The following ANK3 variants were observed in gnomAD, a reference collection of about 807,000 sequenced individuals.
The protein encoded by ANK3 is ankyrin-3.
In ANK3, 57 loss-of-function variants were observed where a neutral mutation model predicts 370.9. The observed-to-expected ratio is 0.15, with a 90% confidence interval of 0.12 to 0.19. The LOEUF (loss-of-function observed/expected upper bound fraction) is 0.19. Among genes scored for constraint, ANK3 ranks in the 10% least tolerant of loss-of-function variants. The pLI, the probability that ANK3 is intolerant of heterozygous loss-of-function variation, is 1.00. For synonymous variants in ANK3, 1,929 were observed against 1,946.3 expected, an observed-to-expected ratio of 0.99 and a Z score of 0.23; for missense variants, 4,439 against 5,302.1, an observed-to-expected ratio of 0.84 and a Z score of 5.06.
rs1590208750 is a variant in ANK3 at position 60,115,550 on chromosome 10, T to C, written c.2842-1219A>G. 3.9e-5 allele frequency among the ~76,000 whole-genome samples: 6 copies of C among 152,312 alleles called. 1 individual carries two copies. The highest frequency in any genetic ancestry group is 3.9e-4 in the Admixed American group (6 of 15,304). Reference sequence around the variant, plus strand: ...AGGTAAGCTAATAAGTGCTTTATAATAACTATGATTAGTATGTTTACAAAA... The same window carrying C: ...AGGTAAGCTAATAAGTGCTTTATAACAACTATGATTAGTATGTTTACAAAA... On this transcript the variant is annotated intron_variant, in intron 25 of 43. Transcript: ENST00000280772.
chr10:60,470,401 A>T (rs575339911), intron 2 of ANK3, among the ~76,000 whole-genome samples: 1 of 152,250 alleles, frequency 6.6e-6, no homozygotes, highest in South Asian at 2.1e-4. Context: ...ATTTTCTGCC[A>T]TCATGCAGTA....
intron 6 of ANK3, 29 bp downstream of exon 6, chr10:60,263,806 A>C (rs2097843473): frequency 1.2e-6 from 2 of 1,612,156 alleles, no homozygotes; most frequent in Non-Finnish European, 1.7e-6. Context: ...GGAGAGTTGC[A>C]TGACAGGCCC....
chr10:60,484,836 T>C (rs1358082343), intron 2 of ANK3, among the ~76,000 whole-genome samples: 1 of 152,188 alleles, frequency 6.6e-6, no homozygotes, highest in Non-Finnish European at 1.5e-5. Flanking sequence ...AGAAACTAAT[T>C]TAAGATGAAT....
intron 1 of ANK3, among the ~76,000 whole-genome samples, chr10:60,313,513 A>C (rs1298182305): frequency 6.6e-6 from 1 of 152,158 alleles, no homozygotes; most frequent in Non-Finnish European, 1.5e-5. Flanking sequence ...TCCACAGCTT[A>C]TCTCTTTGCC....
intron 8 of ANK3, among the ~76,000 whole-genome samples, chr10:60,215,172 G>A (rs906608469): frequency 5.9e-5 from 9 of 152,084 alleles, no homozygotes; most frequent in Non-Finnish European, 1.2e-4. Flanking sequence ...TTTGAGAAGT[G>A]TCTGTTCATA....
intron 1 of ANK3, among the ~76,000 whole-genome samples, chr10:60,314,081 G>A (rs1008862894): frequency 6.6e-6 from 1 of 152,042 alleles, no homozygotes; most frequent in Non-Finnish European, 1.5e-5. Flanking sequence ...ATTTTTTTGA[G>A]TGATTGAATA....
At chr10:60,464,256 T>A (rs1005503823) in intron 2 of ANK3, among the ~76,000 whole-genome samples, 1 of 152,206 alleles carries the variant, frequency 6.6e-6, no homozygotes, top group Non-Finnish European at 1.5e-5. Context: ...AAAAATTATA[T>A]GTATTAGATT....
In ANK3 at chr10:60,275,851, GAGA is replaced by G. The variant is rs1189096481; in HGVS notation, c.414+2920_414+2922del. Among the ~76,000 whole-genome samples, 9 of 152,302 alleles carry G rather than the reference GAGA, an allele frequency of 5.9e-5. No homozygotes were observed. In the East Asian group the frequency reaches 1.7e-3, roughly 29 times the overall value. ...GTTGGTATTTTATATTATAAAGACA[GAGA>G]AGGAGAGAAGAGTGGGGGATGTCAT... On this transcript the variant is annotated intron_variant, in intron 4 of 43. Transcript: ENST00000280772.
chr10:60,137,095 CTTG>C (rs1411491647), intron 24 of ANK3, among the ~76,000 whole-genome samples: 1 of 151,934 alleles, frequency 6.6e-6, no homozygotes, highest in Non-Finnish European at 1.5e-5. Flanking sequence ...CTATACAAAA[CTTG>C]TTAAGGGAAA....
intron 2 of ANK3, among the ~76,000 whole-genome samples, chr10:60,574,115 T>G (rs950548735): frequency 6.6e-6 from 1 of 152,098 alleles, no homozygotes; most frequent in Non-Finnish European, 1.5e-5. Flanking sequence ...ACAGATCTGT[T>G]GAGGCTGAAA....
chr10:60,188,797 C>G (rs1483171076), intron 16 of ANK3, among the ~76,000 whole-genome samples: 1 of 152,298 alleles, frequency 6.6e-6, no homozygotes, highest in South Asian at 2.1e-4. Context: ...CTATTGCCAT[C>G]TGAAAACCCC....
chr10:60,236,974 T>C (rs867547425), intron 7 of ANK3, among the ~76,000 whole-genome samples: 14 of 152,346 alleles, frequency 9.2e-5, no homozygotes, highest in Middle Eastern at 3.4e-3. Context: ...AAACTTTATT[T>C]ATAAAAACAG....
chr10:60,465,865 T>C (rs1311274486), intron 2 of ANK3, among the ~76,000 whole-genome samples: 2 of 151,602 alleles, frequency 1.3e-5, no homozygotes, highest in Non-Finnish European at 2.9e-5. Context: ...AGTCTAGCTA[T>C]TTGTGAAATT....
intron 2 of ANK3, among the ~76,000 whole-genome samples, chr10:60,402,290 T>C (rs995639611): frequency 6.6e-6 from 1 of 152,030 alleles, no homozygotes; most frequent in Non-Finnish European, 1.5e-5. Context: ...ACTAAGAATA[T>C]AAATAAAAAA....
At chr10:60,303,374 A>G (rs2044258414) in intron 1 of ANK3, among the ~76,000 whole-genome samples, 1 of 152,214 alleles carries the variant, frequency 6.6e-6, no homozygotes, top group African/African-American at 2.4e-5. Context: ...GAAATCAAAC[A>G]ACCCAATTTA....
intron 1 of ANK3, among the ~76,000 whole-genome samples, chr10:60,314,589 C>G (rs1443253910): frequency 6.6e-6 from 1 of 152,150 alleles, no homozygotes; most frequent in Non-Finnish European, 1.5e-5. Context: ...TTCTGTGGAA[C>G]AATCCCATGA....
intron 1 of ANK3, chr10:60,684,366 C>T (rs1463401484): frequency 1.0e-5 from 5 of 483,006 alleles, no homozygotes; most frequent in Non-Finnish European, 1.8e-5. Context: ...AGCACACCTC[C>T]CCAGCGGCTG....
chr10:60,221,689 G>A lies in ANK3; in HGVS notation c.898-8179C>T, dbSNP rs112748072. ...TGAAATTACTCATTCAAGGCTGCAC[G>A]CACCAAATTTAGAACGAGGCTTGGA... On this transcript the variant is annotated intron_variant, in intron 8 of 43. Coordinates refer to ENST00000280772, the MANE Select transcript of ANK3 (RefSeq NM_020987.5). Among the ~76,000 whole-genome samples, 1,386 of 152,240 alleles carry A rather than the reference G, an allele frequency of 9.1e-3. 21 individuals carry two copies. Among genetic ancestry groups the A allele is most frequent in the African/African-American group, 0.032 (1,319 of 41,548 alleles).
intron 6 of ANK3, 146 bp from the exon 7 acceptor site, chr10:60,262,103 C>T: frequency 6.2e-6 from 4 of 644,390 alleles, no homozygotes; most frequent in Non-Finnish European, 1.1e-5. Flanking sequence ...TCGATCAGTG[C>T]CAATTGCTCA....
Sources: gnomAD v4.1 joint callset for allele counts (sites outside exome capture counted in the v4.1 genomes callset) on GRCh38, gnomAD v4.1.1 for gene constraint, MANE v1.5 for transcripts, NCBI Gene and HGNC (gene_info 2026-07-23, HGNC 2026-07-21) for gene names.